Variants in KCNIP3 observed in about 807,000 individuals in gnomAD.
KCNIP3 encodes the protein calsenilin.
Under a neutral mutation model 35.0 loss-of-function variants are expected in KCNIP3, and 28 were observed. The ratio of observed to expected loss-of-function variants is 0.80; its 90% CI spans 0.59 to 1.10. KCNIP3 has a LOEUF of 1.10. KCNIP3 is among the 50% of genes least tolerant of loss of function. KCNIP3 has a pLI of 0.00. For synonymous variants in KCNIP3, 134 were observed against 133.8 expected (o/e 1.00, Z -0.01); for missense variants, 295 against 338.4 (o/e 0.87, Z 1.01).
At chr2:95,316,134 C>T (rs1678454531) in intron 2 of KCNIP3, among the ~76,000 whole-genome samples, 1 of 152,250 alleles carries the variant, frequency 6.6e-6, no homozygotes. Flanking sequence ...ACAGATTTCC[C>T]CTCTGGGGGC....
intron 2 of KCNIP3, among the ~76,000 whole-genome samples, chr2:95,339,524 C>T (rs1679141980): frequency 6.6e-6 from 1 of 151,436 alleles, no homozygotes; most frequent in Non-Finnish European, 1.5e-5. Flanking sequence ...GCGGAGGTCA[C>T]AGTGAGGTGA....
chr2:95,302,731 G>C (rs1018073110), intron 1 of KCNIP3, among the ~76,000 whole-genome samples: 13 of 152,154 alleles, frequency 8.5e-5, no homozygotes, highest in African/African-American at 3.1e-4. Flanking sequence ...GCGAGGGTGC[G>C]GGATTCATGT....
Position 95,381,670 on chromosome 2 carries a change from C to T in KCNIP3, c.522C>T (p.Tyr174=), listed in dbSNP as rs145007185. Residue 174 remains tyrosine, a synonymous_variant, in exon 6 of 9, where the codon TAC becomes TAT. Coordinates refer to ENST00000295225, the MANE Select transcript of KCNIP3 (RefSeq NM_013434.5). The part of the protein sequence containing the change: ...HEKLKWAFNL[Y]DINKDGYITK... ...AGCTCAAGTGGGCCTTTAATCTCTA[C>T]GACATTAACAAGGATGGCTACATCA... 1.7e-4 allele frequency: 272 copies of T among 1,613,822 alleles called. No homozygotes were observed. Among genetic ancestry groups the T allele is most frequent in the Non-Finnish European group, 2.1e-4 (242 of 1,179,856 alleles).
chr2:95,366,520 C>T (rs1434980537), intron 2 of KCNIP3, among the ~76,000 whole-genome samples: 2 of 152,098 alleles, frequency 1.3e-5, no homozygotes, highest in Non-Finnish European at 1.5e-5. Context: ...AATATAGTAG[C>T]TTTCATTTCA....
At chr2:95,325,752 CAT>C (rs1172823492) in intron 2 of KCNIP3, among the ~76,000 whole-genome samples, 19 of 151,604 alleles carry the variant, frequency 1.3e-4, no homozygotes, top group Admixed American at 3.3e-4. Flanking sequence ...CACACGCACT[CAT>C]ACACACATAC....
intron 1 of KCNIP3, among the ~76,000 whole-genome samples, chr2:95,308,396 G>A (rs1335788545): frequency 1.3e-5 from 2 of 152,186 alleles, no homozygotes. Flanking sequence ...GACCTAGCTG[G>A]GGAAGGCCCA....
At position 95,314,988 on chromosome 2, in the gene KCNIP3, G is replaced by A. The variant is rs532144342; in HGVS notation, c.181+4468G>A. On this transcript the variant is annotated intron_variant, in intron 2 of 8. Transcript: ENST00000295225. ...CCAGTCTTCAGCGGGTCTCATCACT[G>A]TTCTGTGAGGCCAGCTGCCTCTGGG... Among the ~76,000 whole-genome samples the A allele has an allele frequency of 5.3e-5, 8 of 152,302 alleles. No individual in the cohort carries two copies. The East Asian group carries it at 1.5e-3, about 29-fold the overall frequency.
At chr2:95,356,555 C>T (rs1430035129) in intron 2 of KCNIP3, among the ~76,000 whole-genome samples, 1 of 152,172 alleles carries the variant, frequency 6.6e-6, no homozygotes. Context: ...CCAGTTTCAG[C>T]TTTCTACATA....
chr2:95,375,560 G>A (rs183239850), intron 5 of KCNIP3, among the ~76,000 whole-genome samples: 1 of 152,126 alleles, frequency 6.6e-6, no homozygotes, highest in Non-Finnish European at 1.5e-5. Flanking sequence ...GTTTGCTGAC[G>A]GTGGGATGTG....
At position 95,378,270 on chromosome 2, in the gene KCNIP3, A is replaced by G. The variant is rs1421954920; in HGVS notation, c.447+3062A>G. ...CCCGAGTACCTGGGACTGCGGGTGC[A>G]TGCCACCATGCCCAGCTAATTTTTT... is the stretch of plus-strand genomic sequence containing the variant. On this transcript the variant is annotated intron_variant, in intron 5 of 8. Coordinates refer to ENST00000295225, the MANE Select transcript of KCNIP3 (RefSeq NM_013434.5). The surrounding 1 kb of genome is among the most constrained non-coding windows in gnomAD (Gnocchi z 4.0). 1.3e-5 allele frequency among the ~76,000 whole-genome samples: 2 copies of G among 152,076 alleles called. No homozygotes were observed. Among genetic ancestry groups the G allele is most frequent in the African/African-American group, 2.4e-5 (1 of 41,484 alleles).
Position 95,305,074 on chromosome 2 carries a change from A to C in KCNIP3, c.16-5281A>C, listed in dbSNP as rs115427425. Among the ~76,000 whole-genome samples the C allele has an allele frequency of 2.3e-3, 348 of 152,262 alleles. 3 individuals are homozygous for C. Among genetic ancestry groups the C allele is most frequent in the African/African-American group, 8.0e-3 (334 of 41,554 alleles). ...GCCACCAGGGACTCTGCCTGAACCC[A>C]GGGCCCAGATCTTCTGGCTTCACTC... On this transcript the variant is annotated intron_variant, in intron 1 of 8. Transcript: ENST00000295225.
chr2:95,368,634 C>T, intron 2 of KCNIP3: 1 of 344,512 alleles, frequency 2.9e-6, no homozygotes, highest in East Asian at 5.4e-5. Flanking sequence ...CTTTTGTCTC[C>T]ATCCAGGCTA....
chr2:95,347,273 ACTAAGG>A, intron 2 of KCNIP3: 2 of 661,716 alleles, frequency 3.0e-6, no homozygotes, highest in Non-Finnish European at 5.1e-6. Context: ...TGGGCCTGGG[ACTAAGG>A]AGACGTAGTC....
intron 2 of KCNIP3, chr2:95,347,062 G>T (rs752386269): frequency 1.2e-6 from 2 of 1,611,942 alleles, no homozygotes; most frequent in Non-Finnish European, 1.7e-6. Flanking sequence ...GGCCGTGGTG[G>T]TGCTGCTGTT....
At chr2:95,355,561 G>C (rs538364007) in intron 2 of KCNIP3, among the ~76,000 whole-genome samples, 1 of 152,144 alleles carries the variant, frequency 6.6e-6, no homozygotes, top group African/African-American at 2.4e-5. Flanking sequence ...TGATCTCATT[G>C]TTCAGTTCCC....
intron 2 of KCNIP3, among the ~76,000 whole-genome samples, chr2:95,326,423 G>A (rs1222914836): frequency 4.6e-5 from 7 of 152,118 alleles, no homozygotes; most frequent in Admixed American, 3.3e-4. Flanking sequence ...CACTGCACTC[G>A]GGAGGGCCAA....
intron 2 of KCNIP3, among the ~76,000 whole-genome samples, chr2:95,321,118 G>A (rs1678586512): frequency 7.6e-6 from 1 of 130,902 alleles, no homozygotes; most frequent in Non-Finnish European, 1.6e-5. Flanking sequence ...CCCCTCCCCA[G>A]TCCCCCAAGC....
intron 1 of KCNIP3, chr2:95,310,103 C>T (rs1235628360): frequency 1.3e-5 from 8 of 628,840 alleles, no homozygotes; most frequent in Non-Finnish European, 2.1e-5. Context: ...CTGACATCCC[C>T]TCTCTGCACC....
rs900113250 is a variant in KCNIP3 at position 95,382,292 on chromosome 2, T to C, written c.556-85T>C. On this transcript the variant is annotated intron_variant, in intron 6 of 8. Coordinates refer to ENST00000295225, the MANE Select transcript of KCNIP3 (RefSeq NM_013434.5). The surrounding 1 kb of genome is among the most constrained non-coding windows in gnomAD (Gnocchi z 4.5). ...CGCACTCACTGCCTTGGAGGTGCCC[T>C]GCACCCTTGGATGCCGCCCGCTCCC... The C allele has an allele frequency of 6.2e-6, 5 of 808,664 alleles. No individual in the cohort carries two copies. Among genetic ancestry groups the C allele is most frequent in the Middle Eastern group, 2.3e-4 (1 of 4,260 alleles). The allele number at this position is 808,664 out of a possible 1,614,324, so 50.1% of individuals were successfully genotyped here.
Sources: allele counts gnomAD v4.1 joint callset (sites outside exome capture counted in the v4.1 genomes callset), GRCh38; gene constraint gnomAD v4.1.1; non-coding constraint Gnocchi (gnomAD v3.1); transcripts MANE v1.5; gene names NCBI Gene and HGNC (gene_info 2026-07-23, HGNC 2026-07-21).